Variants in RMDN2 observed in about 807,000 individuals in gnomAD.
RMDN2 encodes regulator of microtubule dynamics protein 2.
Under a neutral mutation model 52.8 loss-of-function variants are expected in RMDN2, and 61 were observed. That is an observed-to-expected ratio of 1.16 (90% CI 0.94 to 1.43). RMDN2 has a LOEUF of 1.43. RMDN2 is among the 40% of genes most tolerant of loss of function. RMDN2 has a pLI of 0.00. For synonymous variants in RMDN2, 180 were observed against 153.1 expected (o/e 1.18, Z -1.30); for missense variants, 592 against 475.3 (o/e 1.25, Z -2.28).
downstream of RMDN2, among the ~76,000 whole-genome samples, chr2:38,019,180 G>A (rs1291409954): frequency 6.6e-6 from 1 of 152,210 alleles, no homozygotes; most frequent in Non-Finnish European, 1.5e-5. Context: ...GGTGAATCCA[G>A]CTAGCACCAA....
In RMDN2 at chr2:38,003,932, G is replaced by A. The variant is rs909941958; in HGVS notation, c.1045-59G>A. ...TTATTTAAATATATTCTCTTCACTT[G>A]TGGTTACTGTTATTTTAATATTGCC... On this transcript the variant is annotated intron_variant, in intron 8 of 10. Coordinates refer to ENST00000354545, the MANE Select transcript of RMDN2 (RefSeq NM_001170791.3). 4 of 1,225,738 alleles carry A rather than the reference G, an allele frequency of 3.3e-6. No homozygotes were observed. In the South Asian group the frequency reaches 4.8e-5, roughly 15 times the overall value. The allele number at this position is 1,225,738 out of a possible 1,614,324, so 75.9% of individuals were successfully genotyped here.
chr2:37,977,688 G>A (rs1232459378), intron 4 of RMDN2, among the ~76,000 whole-genome samples: 10 of 151,798 alleles, frequency 6.6e-5, no homozygotes, highest in East Asian at 2.0e-4. Flanking sequence ...AGACGGGGTC[G>A]CGGCCGGGTA....
At chr2:37,945,969 G>A (rs922225365) in intron 2 of RMDN2, among the ~76,000 whole-genome samples, 72 of 152,130 alleles carry the variant, frequency 4.7e-4, no homozygotes, top group African/African-American at 1.7e-3. Context: ...CTCTCAAGGT[G>A]AATACTCATG....
At chr2:37,940,916 T>C (rs1667730241) in intron 2 of RMDN2, among the ~76,000 whole-genome samples, 1 of 152,238 alleles carries the variant, frequency 6.6e-6, no homozygotes. Context: ...TCATTCTCTG[T>C]CCAGTTTTGT....
chr2:37,964,855 C>T (rs1029846247), intron 2 of RMDN2, among the ~76,000 whole-genome samples: 1 of 151,972 alleles, frequency 6.6e-6, no homozygotes, highest in African/African-American at 2.4e-5. Flanking sequence ...TTTATTTTTA[C>T]TATTATTGTG....
At chr2:38,059,892 TTTTG>T (rs1558595099) in intron 10 of RMDN2, among the ~76,000 whole-genome samples, 1 of 151,822 alleles carries the variant, frequency 6.6e-6, no homozygotes, top group Non-Finnish European at 1.5e-5. Context: ...TTTTTTTTGT[TTTTG>T]TTTTTGTTTT....
intron 10 of RMDN2, among the ~76,000 whole-genome samples, chr2:38,006,715 G>T (rs908339856): frequency 8.5e-5 from 13 of 152,118 alleles, no homozygotes; most frequent in Admixed American, 3.3e-4. Context: ...CTGCCTGATT[G>T]CCCTGGCCAG....
chr2:38,003,324 G>T (rs1158176987), intron 8 of RMDN2, among the ~76,000 whole-genome samples: 1 of 152,098 alleles, frequency 6.6e-6, no homozygotes, highest in Non-Finnish European at 1.5e-5. Flanking sequence ...AGGTCGAGGA[G>T]GGTGGATCAC....
chr2:37,977,521 C>G (rs1241001936), intron 4 of RMDN2, among the ~76,000 whole-genome samples: 2 of 151,180 alleles, frequency 1.3e-5, no homozygotes, highest in Non-Finnish European at 2.9e-5. Flanking sequence ...CCTCACTTCC[C>G]GGATGGGGCG....
chr2:37,954,483 A>G (rs1669210340), intron 2 of RMDN2, among the ~76,000 whole-genome samples: 1 of 151,902 alleles, frequency 6.6e-6, no homozygotes, highest in Non-Finnish European at 1.5e-5. Flanking sequence ...TGGTCTTGGA[A>G]CCTTTGTCAA....
chr2:37,975,285 C>A lies in RMDN2; in HGVS notation c.701C>A (p.Thr234Lys). 1.9e-6 allele frequency: 3 copies of A among 1,604,320 alleles called. No homozygotes were observed. Among genetic ancestry groups the A allele is most frequent in the African/African-American group, 1.3e-5 (1 of 74,852 alleles). ...YGDMYELSTN[T>K]QEKKHYANIG... The stretch of plus-strand genomic sequence containing the variant: ...GACATGTATGAACTATCTACAAACA[C>A]ACAAGAAAAGAAACATTATGCTAAT... Residue 234 changes from threonine (T) to lysine (K), a missense_variant, in exon 4 of 11, where the codon ACA becomes AAA. Thr to Lys is a moderately conservative substitution (Grantham distance 78). Coordinates refer to ENST00000354545, the MANE Select transcript of RMDN2 (RefSeq NM_001170791.3).
chr2:37,937,302 T>C (rs1013792793), intron 2 of RMDN2, among the ~76,000 whole-genome samples: 2 of 152,204 alleles, frequency 1.3e-5, no homozygotes, highest in Non-Finnish European at 2.9e-5. Flanking sequence ...TTTTGGTTAC[T>C]GTAGTATAGT....
At chr2:37,928,200 C>G (rs1666439481) in intron 1 of RMDN2, among the ~76,000 whole-genome samples, 2 of 152,144 alleles carry the variant, frequency 1.3e-5, no homozygotes, top group South Asian at 2.1e-4. Flanking sequence ...TTTCTGTGTT[C>G]CAGGCATATA....
At chr2:37,989,188 C>T (rs534871308) in intron 5 of RMDN2, among the ~76,000 whole-genome samples, 1 of 152,142 alleles carries the variant, frequency 6.6e-6, no homozygotes, top group South Asian at 2.1e-4. Context: ...TGTGATTAGA[C>T]TTTTTCTGAG....
chr2:37,951,606 A>T, intron 2 of RMDN2: 1 of 1,613,482 alleles, frequency 6.2e-7, no homozygotes, highest in South Asian at 1.1e-5. Context: ...CTCATCCCGT[A>T]AACTAAGTAT....
intron 7 of RMDN2, 76 bp from the exon 8 acceptor site, chr2:37,997,340 C>T (rs775923491): frequency 1.1e-6 from 1 of 879,634 alleles, no homozygotes; most frequent in Non-Finnish European, 1.9e-6. Context: ...ATAACACACA[C>T]ACGTCTAACT....
intron 2 of RMDN2, among the ~76,000 whole-genome samples, chr2:37,933,871 TTAAA>T (rs1310828540): frequency 6.6e-6 from 1 of 152,212 alleles, no homozygotes; most frequent in African/African-American, 2.4e-5. Context: ...AACTCACTTT[TTAAA>T]TAAATAAAAT....
chr2:38,060,261 A>G (rs1362409701), intron 10 of RMDN2, among the ~76,000 whole-genome samples: 1 of 151,948 alleles, frequency 6.6e-6, no homozygotes, highest in Non-Finnish European at 1.5e-5. Flanking sequence ...TTTTTTATTA[A>G]CAAGGCCTTG....
intron 1 of RMDN2, among the ~76,000 whole-genome samples, chr2:37,925,857 C>G (rs1231572449): frequency 6.6e-6 from 1 of 152,162 alleles, no homozygotes; most frequent in African/African-American, 2.4e-5. Context: ...TTTTTGCTCT[C>G]AGACTCCGTC....
Sources: gnomAD v4.1 joint callset for allele counts (sites outside exome capture counted in the v4.1 genomes callset) on GRCh38, gnomAD v4.1.1 for gene constraint, MANE v1.5 for transcripts, NCBI Gene and HGNC (gene_info 2026-07-23, HGNC 2026-07-21) for gene names.